KREMEN2: variants seen among roughly 807,000 people sequenced by gnomAD.
KREMEN2 encodes kremen protein 2.
KREMEN2 carries 43 observed loss-of-function variants against 49.8 expected under a neutral mutation model. The ratio of observed to expected loss-of-function variants is 0.86; its 90% CI spans 0.68 to 1.11. KREMEN2 has a LOEUF of 1.11. Among genes scored for constraint, KREMEN2 ranks in the 50% most tolerant of loss-of-function variants. The probability of loss-of-function intolerance (pLI) is 0.00; values close to 1 mark genes in which losing one functional copy is unlikely to be tolerated. For synonymous variants in KREMEN2, 355 were observed against 304.9 expected (o/e 1.16, Z -1.71); for missense variants, 686 against 665.7 (o/e 1.03, Z -0.34).
intron 2 of KREMEN2, among the ~76,000 whole-genome samples, chr16:2,965,465 C>G (rs901486215): frequency 5.9e-5 from 9 of 152,172 alleles, no homozygotes; most frequent in African/African-American, 2.2e-4. Flanking sequence ...CAGGAGCTCA[C>G]TTCTGCTTTT....
chr16:2,966,965 C>A lies in KREMEN2; in HGVS notation c.696C>A (p.Ser232=). The change falls in exon 6 of 9, where the codon TCC becomes TCA. Residue 232 remains serine, a synonymous_variant. Coordinates refer to ENST00000303746, the MANE Select transcript of KREMEN2 (RefSeq NM_172229.3). The surrounding 1 kb of genome is among the most constrained non-coding windows in gnomAD (Gnocchi z 8.4). ...CAGCGCCTCAGGGCGTCATCTACTCCCCGGACTTCCCGGACGAGTACGGGC... is the reference window on the plus strand; with the variant it reads ...CAGCGCCTCAGGGCGTCATCTACTCACCGGACTTCCCGGACGAGTACGGGC... ...NWTAPQGVIY[S]PDFPDEYGPD... 6.4e-7 allele frequency: 1 copy of A among 1,555,340 alleles called. No homozygotes were observed. The highest frequency in any genetic ancestry group is 8.7e-7 in the Non-Finnish European group (1 of 1,149,558).
chr16:2,964,781 C>G, intron 1 of KREMEN2, 78 bp from the exon 2 acceptor site: 1 of 1,535,900 alleles, frequency 6.5e-7, no homozygotes. Flanking sequence ...GCTGGGGACC[C>G]AGGCGGGAGG....
Position 2,966,735 on chromosome 16 carries a change from ATC to A in KREMEN2, c.582_583del (p.Ile194MetfsTer19). On this transcript the variant is annotated frameshift_variant, in exon 5 of 9. Transcript: ENST00000303746. LOFTEE classifies it high-confidence loss of function. The surrounding 1 kb of genome is among the most constrained non-coding windows in gnomAD (Gnocchi z 8.4). ...GGCCCCCGCCACCGACTGTGACCAGATCTGTTTCGGCCACCCTGGACAGCTGT... is the reference window on the plus strand; with the variant it reads ...GGCCCCCGCCACCGACTGTGACCAGATGTTTCGGCCACCCTGGACAGCTGT... ...RLAPATDCDQ[I>X]CFGHPGQLCG... The A allele has an allele frequency of 6.2e-7, 1 of 1,611,996 alleles. No individual in the cohort carries two copies. Among genetic ancestry groups the A allele is most frequent in the Non-Finnish European group, 8.5e-7 (1 of 1,179,836 alleles).
chr16:2,966,144 CCAGACGGTGACGTG>C lies in KREMEN2; in HGVS notation c.278_291del (p.Asp93AlafsTer7). ...CCACCTCCCTCCCACCCGCAGTAAC[CCAGACGGTGACGTG>C]CAGCCGTGGTGCTACGTGGCTGAGA... On this transcript the variant is annotated frameshift_variant, in exon 3 of 9. Transcript: ENST00000303746. LOFTEE classifies it high-confidence loss of function. The surrounding 1 kb of genome is among the most constrained non-coding windows in gnomAD (Gnocchi z 8.4). 1 of 1,611,966 alleles carries C rather than the reference CCAGACGGTGACGTG, an allele frequency of 6.2e-7. No homozygotes were observed. The highest frequency in any genetic ancestry group is 8.5e-7 in the Non-Finnish European group (1 of 1,179,950).
chr16:2,967,371 C>T lies in KREMEN2; in HGVS notation c.1025C>T (p.Thr342Ile). The T allele has an allele frequency of 3.6e-6, 5 of 1,405,418 alleles. No individual in the cohort carries two copies. The highest frequency in any genetic ancestry group is 4.6e-6 in the Non-Finnish European group (5 of 1,091,386). 87.1% of individuals were successfully genotyped at this position (1,405,418 alleles called of 1,614,324 possible). ...DPEAPEGSAQ[T>I]PAAPLDGANV... ...GAGGCCCCCGAGGGCTCGGCCCAGA[C>T]CCCCGCGGCGCCCCTCGACGGGGCC... The change falls in exon 7 of 9, where the codon ACC (threonine) becomes ATC (isoleucine). Residue 342 changes from threonine to isoleucine, a missense_variant. Transcript: ENST00000303746.
In KREMEN2 at chr16:2,968,058, G is replaced by A. The variant is rs768640489; in HGVS notation, c.*38G>A. On this transcript the variant is annotated 3_prime_UTR_variant, in exon 9 of 9. Transcript: ENST00000303746. Reference sequence around the variant, plus strand: ...AGGGTCCGCTGGGCCCGCCGCCGGCGAGATGGACACCTGAGATGCTGTGCT... The same window carrying A: ...AGGGTCCGCTGGGCCCGCCGCCGGCAAGATGGACACCTGAGATGCTGTGCT... 3 of 1,513,692 alleles carry A rather than the reference G, an allele frequency of 2.0e-6. No individual in the cohort carries two copies. The highest frequency in any genetic ancestry group is 2.4e-5 in the East Asian group (1 of 40,952). The allele number at this position is 1,513,692 out of a possible 1,614,324, so 93.8% of individuals were successfully genotyped here.
Position 2,968,028 on chromosome 16 carries a change from C to G in KREMEN2, c.*8C>G. On this transcript the variant is annotated 3_prime_UTR_variant, in exon 9 of 9. Transcript: ENST00000303746. The stretch of plus-strand genomic sequence containing the variant: ...CTCATCTCCGCTCTCTGACTCTGGG[C>G]CCCGAGGGTCCGCTGGGCCCGCCGC... 6.5e-7 allele frequency: 1 copy of G among 1,543,860 alleles called. No homozygotes were observed.
chr16:2,967,495 G>T (rs943347992), intron 7 of KREMEN2, 31 bp from the exon 8 acceptor site: 11 of 1,516,152 alleles, frequency 7.3e-6, no homozygotes, highest in Non-Finnish European at 9.7e-6. Flanking sequence ...GCCCCCTCGC[G>T]CCCATCCTCA....
rs1315370778 is a variant in KREMEN2, at chr16:2,967,089, C to T, written c.820C>T (p.Leu274=). The change falls in exon 6 of 9, where the codon CTG becomes TTG. Residue 274 remains leucine (L), a synonymous_variant. Coordinates refer to ENST00000303746, the MANE Select transcript of KREMEN2 (RefSeq NM_172229.3). ...ELADPRDRLE[L]RDAASGSLLR... ...GGCCGACCCGCGCGACCGGCTGGAGCTGCGCGACGCGGCTTCGGGCAGCCT... is the reference window on the plus strand; with the variant it reads ...GGCCGACCCGCGCGACCGGCTGGAGTTGCGCGACGCGGCTTCGGGCAGCCT... The T allele has an allele frequency of 6.7e-7, 1 of 1,498,520 alleles. No individual in the cohort carries two copies. The highest frequency in any genetic ancestry group is 2.7e-5 in the East Asian group (1 of 36,588). The allele number at this position is 1,498,520 out of a possible 1,614,324, so 92.8% of individuals were successfully genotyped here.
chr16:2,966,301 G>A lies in KREMEN2; in HGVS notation c.362-24G>A, dbSNP rs779814547. 5 of 1,612,764 alleles carry A rather than the reference G, an allele frequency of 3.1e-6. No homozygotes were observed. Among genetic ancestry groups the A allele is most frequent in the Admixed American group, 3.3e-5 (2 of 59,998 alleles). The stretch of plus-strand genomic sequence containing the variant: ...GGAGGAGGGTTGTTTTCGGAGTCAC[G>A]GAAGTCTGACTCTGCCCCCTCAGTG... On this transcript the variant is annotated intron_variant, in intron 3 of 8. Transcript: ENST00000303746. This position sits in a 1 kb window ranked among gnomAD's most constrained non-coding sequence, Gnocchi z 8.4.
Position 2,967,028 on chromosome 16 carries a change from C to A in KREMEN2, c.759C>A (p.Gly253=), listed in dbSNP as rs1338352421. The change falls in exon 6 of 9, where the codon GGC becomes GGA. Residue 253 remains glycine, a synonymous_variant. Coordinates refer to ENST00000303746, the MANE Select transcript of KREMEN2 (RefSeq NM_172229.3). ...GCAGCTGGGCCCTGGGCCCGCCAGG[C>A]GCCGCGCTGGAGCTCACCTTCCGCC... ...RNCSWALGPP[G]AALELTFRLF... The A allele has an allele frequency of 2.6e-6, 4 of 1,544,336 alleles. No homozygotes were observed. Among genetic ancestry groups the A allele is most frequent in the African/African-American group, 1.4e-5 (1 of 72,436 alleles).
In KREMEN2 at chr16:2,966,945, C is replaced by A; in HGVS notation, c.676C>A (p.Pro226Thr). The A allele has an allele frequency of 6.4e-7, 1 of 1,556,180 alleles. No individual in the cohort carries two copies. The highest frequency in any genetic ancestry group is 8.7e-7 in the Non-Finnish European group (1 of 1,149,520). The change falls in exon 6 of 9, where the codon CCT becomes ACT. Residue 226 changes from proline to threonine, a missense_variant. By Grantham distance (38) the Pro-to-Thr change is conservative. Coordinates refer to ENST00000303746, the MANE Select transcript of KREMEN2 (RefSeq NM_172229.3). This position sits in a 1 kb window ranked among gnomAD's most constrained non-coding sequence, Gnocchi z 8.4. ...CTCCTGCCAGGGGAACTGGACAGCG[C>A]CTCAGGGCGTCATCTACTCCCCGGA... ...VGSCQGNWTA[P>T]QGVIYSPDFP...
chr16:2,967,732 T>C, intron 8 of KREMEN2, 78 bp from the exon 9 acceptor site: 2 of 1,544,170 alleles, frequency 1.3e-6, no homozygotes, highest in South Asian at 1.2e-5. Flanking sequence ...ACGCACAGGA[T>C]CGCGCGCGGG....
chr16:2,967,842 C>T lies in KREMEN2; in HGVS notation c.1211C>T (p.Pro404Leu). 6.4e-7 allele frequency: 1 copy of T among 1,551,588 alleles called. No individual in the cohort carries two copies. Among genetic ancestry groups the T allele is most frequent in the Non-Finnish European group, 8.7e-7 (1 of 1,147,848 alleles). The change falls in exon 9 of 9, where the codon CCG becomes CTG. Residue 404 changes from proline to leucine, a missense_variant. Physicochemically the swap from Pro to Leu is moderately conservative, Grantham distance 98. Coordinates refer to ENST00000303746, the MANE Select transcript of KREMEN2 (RefSeq NM_172229.3). ...CTGCTGGCTCCGGGAAAAGGGCCCC[C>T]GGCGCTGGGGGCTTCCAGGGGCCCC... is the stretch of plus-strand genomic sequence containing the variant. Reference protein sequence around the residue: ...SCLLAPGKGPPALGASRGPRR... With the variant: ...SCLLAPGKGPLALGASRGPRR...
chr16:2,968,345 C>A lies in KREMEN2; in HGVS notation c.*325C>A, dbSNP rs2071883985. The stretch of plus-strand genomic sequence containing the variant: ...CAGGTCAGCAAAAACAGTCAAAAAA[C>A]CCCCACAGATTTTGAATAAAGGATC... On this transcript the variant is annotated 3_prime_UTR_variant, in exon 9 of 9. Transcript: ENST00000303746. 2.0e-6 allele frequency: 3 copies of A among 1,534,714 alleles called. No individual in the cohort carries two copies. The highest frequency in any genetic ancestry group is 2.0e-5 in the Admixed American group (1 of 50,980).
At position 2,968,103 on chromosome 16, in the gene KREMEN2, C is replaced by T. The variant is rs947775196; in HGVS notation, c.*83C>T. ...TGTGCTGCGCCCTGCCTCGGCCTTGCGCCTGTGTAGGGGCAGCTCGGCCTC... is the reference window on the plus strand; with the variant it reads ...TGTGCTGCGCCCTGCCTCGGCCTTGTGCCTGTGTAGGGGCAGCTCGGCCTC... On this transcript the variant is annotated 3_prime_UTR_variant, in exon 9 of 9. Transcript: ENST00000303746. The T allele has an allele frequency of 9.3e-6, 13 of 1,400,730 alleles. No homozygotes were observed. Among genetic ancestry groups the T allele is most frequent in the Admixed American group, 7.9e-5 (4 of 50,690 alleles). 86.8% of individuals were successfully genotyped at this position (1,400,730 alleles called of 1,614,324 possible).
Position 2,968,344 on chromosome 16 carries a change from A to T in KREMEN2, c.*324A>T. The T allele has an allele frequency of 6.5e-7, 1 of 1,534,370 alleles. No homozygotes were observed. The highest frequency in any genetic ancestry group is 1.2e-5 in the South Asian group (1 of 84,008). ...ACAGGTCAGCAAAAACAGTCAAAAA[A>T]CCCCCACAGATTTTGAATAAAGGAT... On this transcript the variant is annotated 3_prime_UTR_variant, in exon 9 of 9. Transcript: ENST00000303746.
At position 2,966,752 on chromosome 16, in the gene KREMEN2, T is replaced by C. The variant is rs745966108; in HGVS notation, c.597T>C (p.Pro199=). Reference sequence around the variant, plus strand: ...GTGACCAGATCTGTTTCGGCCACCCTGGACAGCTGTGTGGCGGCGATGGGC... The same window carrying C: ...GTGACCAGATCTGTTTCGGCCACCCCGGACAGCTGTGTGGCGGCGATGGGC... ...TDCDQICFGH[P]GQLCGGDGRL... is the part of the protein sequence containing the mutation. The change falls in exon 5 of 9, where the codon CCT becomes CCC. Residue 199 remains proline, a synonymous_variant. Transcript: ENST00000303746. This position sits in a 1 kb window ranked among gnomAD's most constrained non-coding sequence, Gnocchi z 8.4. 2.5e-6 allele frequency: 4 copies of C among 1,612,136 alleles called. No homozygotes were observed. Among genetic ancestry groups the C allele is most frequent in the East Asian group, 2.2e-5 (1 of 44,876 alleles).
In KREMEN2 at chr16:2,964,536, C is replaced by T. The variant is rs745863424; in HGVS notation, c.16C>T (p.Leu6=). The part of the protein sequence containing the change: MGTQA[L]QGFLFLLFLP... Reference sequence around the variant, plus strand: ...GTTGAGAGCGATGGGGACACAAGCCCTGCAGGGCTTCCTCTTTCTCCTCTT... The same window carrying T: ...GTTGAGAGCGATGGGGACACAAGCCTTGCAGGGCTTCCTCTTTCTCCTCTT... The change falls in exon 1 of 9, where the codon CTG becomes TTG. Residue 6 remains leucine (L), a synonymous_variant. Transcript: ENST00000303746. The T allele has an allele frequency of 3.7e-6, 6 of 1,600,162 alleles. No individual in the cohort carries two copies. The highest frequency in any genetic ancestry group is 5.1e-6 in the Non-Finnish European group (6 of 1,173,638).
Sources: allele counts gnomAD v4.1 joint callset (sites outside exome capture counted in the v4.1 genomes callset), GRCh38; gene constraint gnomAD v4.1.1; non-coding constraint Gnocchi (gnomAD v3.1); transcripts MANE v1.5; gene names NCBI Gene and HGNC (gene_info 2026-07-23, HGNC 2026-07-21).